ADCY2: variants seen among roughly 807,000 people sequenced by gnomAD.
The protein encoded by ADCY2 is adenylate cyclase 2.
ADCY2 carries 31 observed loss-of-function variants against 125.2 expected under a neutral mutation model. The ratio of observed to expected loss-of-function variants is 0.25; its 90% CI spans 0.19 to 0.33. The LOEUF (loss-of-function observed/expected upper bound fraction) is 0.33, where lower values mean the gene tolerates loss of function less well. ADCY2 is among the 10% of genes least tolerant of loss of function. ADCY2 has a pLI of 1.00. For synonymous variants in ADCY2, 512 were observed against 548.4 expected, an observed-to-expected ratio of 0.93 and a Z score of 0.93; for missense variants, 904 against 1,418.2, an observed-to-expected ratio of 0.64 and a Z score of 5.82.
chr5:7,645,232 T>C, intron 4 of ADCY2, among the ~76,000 whole-genome samples: 1 of 152,290 alleles, frequency 6.6e-6, no homozygotes, highest in South Asian at 2.1e-4. Flanking sequence ...TTTTTTGAAT[T>C]GCAAATGGCC....
At chr5:7,665,828 CTTTTTTTTTTTT>C (rs70940750) in intron 4 of ADCY2, among the ~76,000 whole-genome samples, 6 of 38,632 alleles carry the variant, frequency 1.6e-4, no homozygotes, top group South Asian at 1.6e-3. Context: ...TAATTTAATT[CTTTTTTTTTTTT>C]TTTTTTTTTT....
chr5:7,498,538 G>A lies in ADCY2; in HGVS notation c.409-22200G>A, dbSNP rs532253669. The stretch of plus-strand genomic sequence containing the variant: ...GCTGGGATTACAGGCGTGAGCCACC[G>A]TGCCCGGCCAAGTAAAACTCTTATA... On this transcript the variant is annotated intron_variant, in intron 2 of 24. Coordinates refer to ENST00000338316, the MANE Select transcript of ADCY2 (RefSeq NM_020546.3). Among the ~76,000 whole-genome samples, 21 of 152,206 alleles carry A rather than the reference G, an allele frequency of 1.4e-4. No individual in the cohort carries two copies. The East Asian group carries it at 3.5e-3, about 25-fold the overall frequency.
chr5:7,571,626 C>T (rs1175984741), intron 3 of ADCY2, among the ~76,000 whole-genome samples: 1 of 152,154 alleles, frequency 6.6e-6, no homozygotes, highest in East Asian at 1.9e-4. Context: ...AATTGTGTCA[C>T]CCCTCTCAAA....
rs142906433 is a variant in ADCY2 at position 7,569,723 on chromosome 5, C to A, written c.570+48824C>A. ...CTCAGTATGACTCTGACTTCCTGAGCTCCAAGCCCATAGTTGAAATGGTGA... is the reference window on the plus strand; with the variant it reads ...CTCAGTATGACTCTGACTTCCTGAGATCCAAGCCCATAGTTGAAATGGTGA... On this transcript the variant is annotated intron_variant, in intron 3 of 24. Transcript: ENST00000338316. Among the ~76,000 whole-genome samples, 5 of 152,208 alleles carry A rather than the reference C, an allele frequency of 3.3e-5. No individual in the cohort carries two copies. The East Asian group carries it at 9.7e-4, about 29-fold the overall frequency.
intron 3 of ADCY2, among the ~76,000 whole-genome samples, chr5:7,614,196 G>A (rs909665612): frequency 2.6e-5 from 4 of 152,130 alleles, no homozygotes; most frequent in African/African-American, 9.7e-5. Context: ...AAACAAAATT[G>A]TTTGAGTAAA....
At chr5:7,780,552 G>A (rs1743884484) in intron 18 of ADCY2, among the ~76,000 whole-genome samples, 1 of 152,186 alleles carries the variant, frequency 6.6e-6, no homozygotes, top group African/African-American at 2.4e-5. Flanking sequence ...TTTATAAGCT[G>A]TGGCCCTCAG....
In ADCY2 at chr5:7,777,472, G is replaced by A. The variant is rs571444288; in HGVS notation, c.2384+4371G>A. Among the ~76,000 whole-genome samples, 10 of 152,308 alleles carry A rather than the reference G, an allele frequency of 6.6e-5. No homozygotes were observed. In the East Asian group the frequency reaches 9.6e-4, roughly 15 times the overall value. On this transcript the variant is annotated intron_variant, in intron 18 of 24. Transcript: ENST00000338316. Reference sequence around the variant, plus strand: ...GACACCAGCTTCCTGAAATCTCTTCGCCTCACCTGCTTCCCTGAAGACAGA... The same window carrying A: ...GACACCAGCTTCCTGAAATCTCTTCACCTCACCTGCTTCCCTGAAGACAGA...
At chr5:7,725,334 C>T (rs750746031) in intron 13 of ADCY2, among the ~76,000 whole-genome samples, 4 of 152,156 alleles carry the variant, frequency 2.6e-5, no homozygotes, top group Admixed American at 2.0e-4. Flanking sequence ...ACAAAAGTTA[C>T]ATTAATGGTA....
chr5:7,633,893 T>C (rs1300078704), intron 4 of ADCY2, among the ~76,000 whole-genome samples: 2 of 152,188 alleles, frequency 1.3e-5, no homozygotes, highest in African/African-American at 4.8e-5. Flanking sequence ...TAAGAATGTT[T>C]AATAGGCAAA....
chr5:7,755,253 A>G (rs1742953112), intron 15 of ADCY2, among the ~76,000 whole-genome samples: 2 of 152,332 alleles, frequency 1.3e-5, no homozygotes, highest in South Asian at 4.1e-4. Context: ...CAGTGGCTCA[A>G]GCTCCCTGGT....
chr5:7,506,907 C>T (rs1025082475), intron 2 of ADCY2, among the ~76,000 whole-genome samples: 1 of 149,398 alleles, frequency 6.7e-6, no homozygotes. Context: ...CCTGCCTCAG[C>T]CTCCTGAGTA....
chr5:7,406,851 A>C (rs538607248), intron 1 of ADCY2, among the ~76,000 whole-genome samples: 1 of 152,186 alleles, frequency 6.6e-6, no homozygotes, highest in Non-Finnish European at 1.5e-5. Flanking sequence ...TTTTCAAGAC[A>C]TGCTTCTTGA....
At chr5:7,562,074 G>T (rs1463355176) in intron 3 of ADCY2, among the ~76,000 whole-genome samples, 8 of 151,948 alleles carry the variant, frequency 5.3e-5, no homozygotes, top group African/African-American at 1.9e-4. Flanking sequence ...TTCCATGAAT[G>T]GGTTTATAAT....
At chr5:7,499,670 T>G (rs1478469985) in intron 2 of ADCY2, among the ~76,000 whole-genome samples, 3 of 143,688 alleles carry the variant, frequency 2.1e-5, no homozygotes, top group African/African-American at 7.6e-5. Flanking sequence ...TATATATATA[T>G]ATATATATAT....
Position 7,826,899 on chromosome 5 carries a change from CTG to C in ADCY2, c.*30_*31del, listed in dbSNP as rs761637605. 6 of 1,576,078 alleles carry C rather than the reference CTG, an allele frequency of 3.8e-6. No individual in the cohort carries two copies. The highest frequency in any genetic ancestry group is 2.4e-5 in the South Asian group (2 of 83,112). On this transcript the variant is annotated 3_prime_UTR_variant, in exon 25 of 25. Coordinates refer to ENST00000338316, the MANE Select transcript of ADCY2 (RefSeq NM_020546.3). Reference sequence around the variant, plus strand: ...AGTCACCTTCATTTTGGCAAGAAGACTGTATTTTCAGGAAGGTATCACACACT... The same window carrying C: ...AGTCACCTTCATTTTGGCAAGAAGACTATTTTCAGGAAGGTATCACACACT...
intron 2 of ADCY2, among the ~76,000 whole-genome samples, chr5:7,453,706 T>C (rs1356142482): frequency 1.3e-5 from 2 of 152,166 alleles, no homozygotes; most frequent in Non-Finnish European, 2.9e-5. Flanking sequence ...TACGTTGGCA[T>C]ACTTCCGGGG....
chr5:7,634,090 A>T (rs1738412434), intron 4 of ADCY2, among the ~76,000 whole-genome samples: 1 of 152,204 alleles, frequency 6.6e-6, no homozygotes, highest in Non-Finnish European at 1.5e-5. Flanking sequence ...TGCAAATGTA[A>T]TCACAGATAG....
intron 2 of ADCY2, among the ~76,000 whole-genome samples, chr5:7,449,619 A>C (rs1741399423): frequency 6.6e-6 from 1 of 152,220 alleles, no homozygotes; most frequent in Non-Finnish European, 1.5e-5. Context: ...TCACTATAGG[A>C]GCTGGAAAGA....
intron 11 of ADCY2, among the ~76,000 whole-genome samples, chr5:7,714,470 A>C (rs1279402247): frequency 6.6e-6 from 1 of 152,232 alleles, no homozygotes; most frequent in Non-Finnish European, 1.5e-5. Context: ...AGGCTATAGA[A>C]ACTCTAATTT....
Sources: gnomAD v4.1 joint callset for allele counts (sites outside exome capture counted in the v4.1 genomes callset) on GRCh38, gnomAD v4.1.1 for gene constraint, MANE v1.5 for transcripts, NCBI Gene and HGNC (gene_info 2026-07-23, HGNC 2026-07-21) for gene names.